Variants in PKP4 observed in about 807,000 individuals in gnomAD.
PKP4 encodes plakophilin-4.
In PKP4, 90 loss-of-function variants were observed where a neutral mutation model predicts 145.1. That is an observed-to-expected ratio of 0.62 (90% CI 0.52 to 0.74). PKP4 has a LOEUF of 0.74. Ranked by LOEUF, PKP4 falls within the 30% of genes least tolerant of loss-of-function variation. The pLI, the probability that PKP4 is intolerant of heterozygous loss-of-function variation, is 0.00. For synonymous variants in PKP4, 563 were observed against 577.2 expected, an observed-to-expected ratio of 0.98 and a Z score of 0.35; for missense variants, 1,340 against 1,482.7, an observed-to-expected ratio of 0.90 and a Z score of 1.58.
At chr2:158,668,247 T>A (rs2057280628) in intron 16 of PKP4, among the ~76,000 whole-genome samples, 1 of 151,954 alleles carries the variant, frequency 6.6e-6, no homozygotes, top group African/African-American at 2.4e-5. Flanking sequence ...CCTATTCCCG[T>A]CTTCCTGTGA....
chr2:158,614,969 G>A (rs2051452625), intron 4 of PKP4, among the ~76,000 whole-genome samples: 1 of 149,732 alleles, frequency 6.7e-6, no homozygotes. Context: ...TCATTCTTAT[G>A]ACAAAGTTAG....
Position 158,492,795 on chromosome 2 carries a change from G to A in PKP4, c.-6+35577G>A, listed in dbSNP as rs530614457. Among the ~76,000 whole-genome samples the A allele has an allele frequency of 3.9e-5, 6 of 152,120 alleles. No individual in the cohort carries two copies. In the South Asian group the frequency reaches 8.3e-4, roughly 21 times the overall value. ...TCTTCTTCTTACAGAAGTGTTATAC[G>A]TGTTTACAGTAGAAAATGCAGACTA... On this transcript the variant is annotated intron_variant, in intron 1 of 21. Transcript: ENST00000389759.
chr2:158,540,254 T>A (rs554542715), intron 2 of PKP4, among the ~76,000 whole-genome samples: 1 of 152,306 alleles, frequency 6.6e-6, no homozygotes, highest in South Asian at 2.1e-4. Context: ...GAGGGGTTTG[T>A]TTGAAAGACT....
intron 11 of PKP4, among the ~76,000 whole-genome samples, chr2:158,645,964 T>C (rs1035053218): frequency 2.6e-5 from 4 of 152,188 alleles, no homozygotes; most frequent in Non-Finnish European, 5.9e-5. Flanking sequence ...ACTCTGGAAT[T>C]GAGTGCTAAT....
Position 158,680,665 on chromosome 2 carries a change from C to T in PKP4, c.3567C>T (p.Asp1189=), listed in dbSNP as rs774016872. 4 of 1,611,652 alleles carry T rather than the reference C, an allele frequency of 2.5e-6. No individual in the cohort carries two copies. The South Asian group carries it at 3.3e-5, about 13-fold the overall frequency. The part of the protein sequence containing the change: ...YRAEQYPGSP[D]SWV ...CAGAACAGTACCCAGGGTCCCCAGA[C>T]TCATGGGTGTAGCATCAAGATGCCC... Residue 1189 remains aspartate (D), a synonymous_variant, in exon 22 of 22, where the codon GAC becomes GAT. Coordinates refer to ENST00000389759, the MANE Select transcript of PKP4 (RefSeq NM_003628.6).
intron 2 of PKP4, among the ~76,000 whole-genome samples, chr2:158,547,618 A>AC (rs1254545866): frequency 6.6e-6 from 1 of 152,040 alleles, no homozygotes; most frequent in Non-Finnish European, 1.5e-5. Context: ...ATTTAGTAAA[A>AC]CCCCTAACGC....
intron 1 of PKP4, among the ~76,000 whole-genome samples, chr2:158,460,145 A>G (rs944447357): frequency 3.9e-5 from 6 of 152,206 alleles, no homozygotes; most frequent in Non-Finnish European, 8.8e-5. Context: ...GTATTGATGG[A>G]AAACAAGGGA....
intron 1 of PKP4, among the ~76,000 whole-genome samples, chr2:158,474,886 G>T (rs935460562): frequency 1.3e-5 from 2 of 152,218 alleles, no homozygotes; most frequent in African/African-American, 4.8e-5. Context: ...CTGATGCCTT[G>T]TGGGGTTCTG....
chr2:158,522,578 A>T (rs1430737145), intron 1 of PKP4, among the ~76,000 whole-genome samples: 1 of 152,194 alleles, frequency 6.6e-6, no homozygotes, highest in South Asian at 2.1e-4. Context: ...CCTCAAAAGA[A>T]TTCAGTCTAA....
chr2:158,514,586 A>T (rs557273365), intron 1 of PKP4, among the ~76,000 whole-genome samples: 37 of 152,352 alleles, frequency 2.4e-4, no homozygotes, highest in African/African-American at 8.9e-4. Context: ...GGTACTTTTT[A>T]AAAAATATCT....
At chr2:158,635,611 C>A (rs2053742289) in intron 9 of PKP4, among the ~76,000 whole-genome samples, 2 of 152,090 alleles carry the variant, frequency 1.3e-5, no homozygotes, top group African/African-American at 2.4e-5. Flanking sequence ...TAATATGTGT[C>A]CCTGAAGACT....
intron 20 of PKP4, 77 bp downstream of exon 20, chr2:158,676,944 G>T (rs766454593): frequency 6.4e-7 from 1 of 1,552,790 alleles, no homozygotes; most frequent in East Asian, 2.2e-5. Context: ...GGCCTGGGAA[G>T]TAGCCTGTGC....
chr2:158,550,110 C>G (rs2045464227), intron 2 of PKP4, among the ~76,000 whole-genome samples: 1 of 110,548 alleles, frequency 9.0e-6, no homozygotes, highest in South Asian at 2.4e-4. Context: ...TTATAGATCT[C>G]TCAGAATAAA....
chr2:158,619,284 G>C (rs1034902819), intron 4 of PKP4, among the ~76,000 whole-genome samples: 1 of 152,204 alleles, frequency 6.6e-6, no homozygotes, highest in Non-Finnish European at 1.5e-5. Context: ...CTCAGCTCAT[G>C]TTTCAACGTG....
chr2:158,503,263 T>C (rs1696853814), intron 1 of PKP4, among the ~76,000 whole-genome samples: 2 of 152,234 alleles, frequency 1.3e-5, no homozygotes, highest in African/African-American at 4.8e-5. Context: ...CAGTAATGCG[T>C]TATCTTTCAT....
chr2:158,566,249 G>A (rs541663598), intron 2 of PKP4, among the ~76,000 whole-genome samples: 27 of 152,164 alleles, frequency 1.8e-4, no homozygotes, highest in African/African-American at 4.1e-4. Flanking sequence ...GGAATAGAAG[G>A]TTAAGTTTAT....
At chr2:158,545,522 G>A (rs2044941885) in intron 2 of PKP4, among the ~76,000 whole-genome samples, 1 of 152,160 alleles carries the variant, frequency 6.6e-6, no homozygotes, top group Admixed American at 6.5e-5. Flanking sequence ...CTAAGCAGTT[G>A]CAGAGGTTAG....
At chr2:158,661,308 GCTC>G in intron 12 of PKP4, 22 bp from the exon 13 acceptor site, 1 of 1,542,550 alleles carries the variant, frequency 6.5e-7, no homozygotes, top group Non-Finnish European at 9.0e-7. Context: ...CATCTCAGCA[GCTC>G]CTCCTGTCTC....
At chr2:158,619,192 A>C (rs2051951263) in intron 4 of PKP4, among the ~76,000 whole-genome samples, 1 of 152,254 alleles carries the variant, frequency 6.6e-6, no homozygotes, top group South Asian at 2.1e-4. Flanking sequence ...CTGTATAAGA[A>C]TGTTTAGAAC....
Sources: gnomAD v4.1 joint callset for allele counts (sites outside exome capture counted in the v4.1 genomes callset) on GRCh38, gnomAD v4.1.1 for gene constraint, MANE v1.5 for transcripts, NCBI Gene and HGNC (gene_info 2026-07-23, HGNC 2026-07-21) for gene names.